The following PPFIA2 variants were observed in gnomAD, a reference collection of about 807,000 sequenced individuals.
PPFIA2 encodes PPFI scaffold protein A2, also known as liprin-alpha-2.
A neutral mutation model predicts 175.5 loss-of-function variants in PPFIA2; 46 were observed. That is an observed-to-expected ratio of 0.26 (90% CI 0.21 to 0.34). The LOEUF is 0.34. Ranked by LOEUF, PPFIA2 falls within the 10% of genes least tolerant of loss-of-function variation. The pLI, the probability that PPFIA2 is intolerant of heterozygous loss-of-function variation, is 1.00. For missense variants in PPFIA2, 1,179 were observed against 1,506.1 expected (o/e 0.78, Z 3.60); for synonymous variants, 568 against 511.4 (o/e 1.11, Z -1.49).
chr12:81,747,151 A>C (rs1441784330), intron 3 of PPFIA2, among the ~76,000 whole-genome samples: 3 of 144,396 alleles, frequency 2.1e-5, no homozygotes, highest in Non-Finnish European at 4.7e-5. Context: ...AATAACTAGA[A>C]GAGAGAAATA....
At chr12:81,696,783 T>A (rs1431232880) in intron 3 of PPFIA2, among the ~76,000 whole-genome samples, 4 of 152,046 alleles carry the variant, frequency 2.6e-5, no homozygotes, top group African/African-American at 7.2e-5. Context: ...ATTTGACACT[T>A]CCTTGGTGAT....
chr12:81,567,441 T>C (rs960613636), intron 4 of PPFIA2, among the ~76,000 whole-genome samples: 31 of 152,254 alleles, frequency 2.0e-4, no homozygotes, highest in African/African-American at 6.5e-4. Flanking sequence ...GCTGGGCCTT[T>C]AGATAGTTTT....
At chr12:81,309,061 C>A (rs566528042) in intron 22 of PPFIA2, among the ~76,000 whole-genome samples, 2 of 152,116 alleles carry the variant, frequency 1.3e-5, no homozygotes, top group Non-Finnish European at 2.9e-5. Context: ...TTTTGCATCA[C>A]AGAAAATAAA....
intron 3 of PPFIA2, among the ~76,000 whole-genome samples, chr12:81,677,159 C>G (rs891723787): frequency 4.0e-5 from 6 of 151,738 alleles, no homozygotes; most frequent in African/African-American, 1.2e-4. Context: ...GTTTAACGTA[C>G]TATTTTGAAA....
At chr12:81,661,605 C>CT (rs1351428745) in intron 4 of PPFIA2, among the ~76,000 whole-genome samples, 1 of 152,130 alleles carries the variant, frequency 6.6e-6, no homozygotes, top group Non-Finnish European at 1.5e-5. Flanking sequence ...TTATGGGAGA[C>CT]TTTAACACCC....
chr12:81,663,400 C>T (rs2069365942), intron 4 of PPFIA2, among the ~76,000 whole-genome samples: 1 of 152,108 alleles, frequency 6.6e-6, no homozygotes, highest in African/African-American at 2.4e-5. Flanking sequence ...CAATAACAGA[C>T]AAACAGAGAG....
At chr12:81,689,943 G>A (rs760907724) in intron 3 of PPFIA2, among the ~76,000 whole-genome samples, 9 of 152,044 alleles carry the variant, frequency 5.9e-5, no homozygotes, top group East Asian at 1.9e-4. Flanking sequence ...CAAAACAGAC[G>A]ATACAGACAG....
At chr12:81,530,756 A>AC (rs2064413008) in intron 4 of PPFIA2, among the ~76,000 whole-genome samples, 1 of 132,434 alleles carries the variant, frequency 7.6e-6, no homozygotes, top group East Asian at 2.3e-4. Context: ...AAAAGAGAAA[A>AC]AAAAAAACAC....
At chr12:81,498,700 C>T (rs1212108292) in intron 4 of PPFIA2, among the ~76,000 whole-genome samples, 1 of 152,182 alleles carries the variant, frequency 6.6e-6, no homozygotes, top group Non-Finnish European at 1.5e-5. Context: ...TCTCGGCTCA[C>T]TGCAACCTCC....
chr12:81,661,100 A>T (rs926293467), intron 4 of PPFIA2, among the ~76,000 whole-genome samples: 1 of 152,242 alleles, frequency 6.6e-6, no homozygotes, highest in Non-Finnish European at 1.5e-5. Flanking sequence ...AACATGCCAA[A>T]TTGTAAAGAC....
At chr12:81,371,486 C>G (rs952044910) in intron 11 of PPFIA2, among the ~76,000 whole-genome samples, 5 of 151,526 alleles carry the variant, frequency 3.3e-5, no homozygotes, top group African/African-American at 1.2e-4. Context: ...AAAACTGTGT[C>G]TTCAAAAATA....
chr12:81,594,806 G>A (rs1232233707), intron 4 of PPFIA2, among the ~76,000 whole-genome samples: 1 of 152,136 alleles, frequency 6.6e-6, no homozygotes, highest in African/African-American at 2.4e-5. Flanking sequence ...CCAGCTACTT[G>A]TGGGGCTAAG....
At position 81,369,437 on chromosome 12, in the gene PPFIA2, T is replaced by C. The variant is rs1469771027; in HGVS notation, c.1267-243A>G. ...TTTATGAGCAATGAAATCAGCCAAA[T>C]GTAACATGCAGACTGTGCATGGTTT... On this transcript the variant is annotated intron_variant, in intron 11 of 32. Transcript: ENST00000549396. 24 of 1,330,796 alleles carry C rather than the reference T, an allele frequency of 1.8e-5. No homozygotes were observed. The South Asian group carries it at 3.1e-4, about 17-fold the overall frequency. 82.4% of individuals were successfully genotyped at this position (1,330,796 alleles called of 1,614,324 possible).
At chr12:81,498,044 G>A (rs1250453302) in intron 4 of PPFIA2, among the ~76,000 whole-genome samples, 4 of 152,092 alleles carry the variant, frequency 2.6e-5, no homozygotes, top group African/African-American at 9.7e-5. Context: ...AAACCTTAAG[G>A]GCTGCTGTTC....
At chr12:81,465,803 C>T (rs1024016477) in intron 4 of PPFIA2, among the ~76,000 whole-genome samples, 1 of 152,070 alleles carries the variant, frequency 6.6e-6, no homozygotes, top group African/African-American at 2.4e-5. Flanking sequence ...TTTATATCTA[C>T]ACTTAGTATA....
At chr12:81,731,893 A>G (rs1395379953) in intron 3 of PPFIA2, among the ~76,000 whole-genome samples, 2 of 151,650 alleles carry the variant, frequency 1.3e-5, no homozygotes, top group Admixed American at 6.6e-5. Flanking sequence ...AACATGAGCT[A>G]TCAATTCTGG....
intron 4 of PPFIA2, among the ~76,000 whole-genome samples, chr12:81,593,949 A>G (rs1344130064): frequency 1.3e-5 from 2 of 152,106 alleles, no homozygotes; most frequent in Non-Finnish European, 2.9e-5. Flanking sequence ...TGGGCAAGTG[A>G]GCAAAGCTTC....
chr12:81,472,349 TG>T (rs1490538805), intron 4 of PPFIA2, among the ~76,000 whole-genome samples: 2 of 152,136 alleles, frequency 1.3e-5, no homozygotes, highest in Admixed American at 1.3e-4. Flanking sequence ...CTGAATAAAA[TG>T]GTATGTGTTG....
At chr12:81,592,435 T>G (rs530411644) in intron 4 of PPFIA2, among the ~76,000 whole-genome samples, 46 of 151,712 alleles carry the variant, frequency 3.0e-4, no homozygotes, top group Non-Finnish European at 6.2e-4. Context: ...AAATATGGTT[T>G]GATTCTGTCC....
Sources: allele counts gnomAD v4.1 joint callset (sites outside exome capture counted in the v4.1 genomes callset), GRCh38; gene constraint gnomAD v4.1.1; transcripts MANE v1.5; gene names NCBI Gene and HGNC (gene_info 2026-07-23, HGNC 2026-07-21).